The following CDA variants were observed in gnomAD, a reference collection of about 807,000 sequenced individuals.
The protein encoded by CDA is cytidine deaminase, also known as cytidine aminohydrolase.
CDA carries 7 observed loss-of-function variants against 15.0 expected under a neutral mutation model. That is an observed-to-expected ratio of 0.47 (90% CI 0.26 to 0.87). The LOEUF (loss-of-function observed/expected upper bound fraction) is 0.87. Ranked by LOEUF, CDA falls within the 40% of genes least tolerant of loss-of-function variation. The pLI is 0.15. For synonymous variants in CDA, 58 were observed against 73.0 expected (o/e 0.79, Z 1.05); for missense variants, 159 against 182.7 (o/e 0.87, Z 0.75).
intron 1 of CDA, among the ~76,000 whole-genome samples, chr1:20,592,521 A>G (rs1298836920): frequency 1.3e-5 from 2 of 152,208 alleles, no homozygotes; most frequent in African/African-American, 2.4e-5. Flanking sequence ...GTTATTAAGA[A>G]GAAGAGTAAC....
intron 1 of CDA, among the ~76,000 whole-genome samples, chr1:20,601,698 A>C (rs956400842): frequency 3.9e-5 from 6 of 152,224 alleles, no homozygotes; most frequent in Admixed American, 1.3e-4. Flanking sequence ...ATCACTCCTA[A>C]CATGCCAATG....
rs150616210 is a variant in CDA, at chr1:20,618,495, C to T, written c.368C>T (p.Thr123Met). ...WPVYMTKPDG[T>M]YIVMTVQELL... ...GTGTACATGACCAAGCCGGATGGTA[C>T]GTATATTGTCATGACGGTCCAGGAG... The change falls in exon 4 of 4, where the codon ACG becomes ATG. Residue 123 changes from threonine to methionine, a missense_variant. Physicochemically the swap from Thr to Met is moderately conservative, Grantham distance 81. Coordinates refer to ENST00000375071, the MANE Select transcript of CDA (RefSeq NM_001785.3). The T allele has an allele frequency of 2.0e-5, 33 of 1,613,416 alleles. No individual in the cohort carries two copies. The highest frequency in any genetic ancestry group is 1.3e-4 in the African/African-American group (10 of 74,800).
intron 2 of CDA, among the ~76,000 whole-genome samples, chr1:20,612,287 G>A (rs1250939268): frequency 6.6e-6 from 1 of 152,088 alleles, no homozygotes; most frequent in Admixed American, 6.5e-5. Context: ...CTGACATCTT[G>A]ATGTCAGGCC....
intron 1 of CDA, among the ~76,000 whole-genome samples, chr1:20,591,839 G>T (rs925388586): frequency 2.4e-5 from 3 of 127,582 alleles, no homozygotes; most frequent in Admixed American, 7.5e-5. Flanking sequence ...TTATTTATGG[G>T]TTTTTTTTTG....
chr1:20,598,583 A>C (rs1234362957), intron 1 of CDA, among the ~76,000 whole-genome samples: 2 of 152,258 alleles, frequency 1.3e-5, no homozygotes, highest in Non-Finnish European at 2.9e-5. Context: ...GAGGCTGGGA[A>C]GTCCAAGATT....
chr1:20,611,179 G>T (rs2052747708), intron 2 of CDA, among the ~76,000 whole-genome samples: 1 of 152,218 alleles, frequency 6.6e-6, no homozygotes, highest in South Asian at 2.1e-4. Flanking sequence ...GGCAGAGGCT[G>T]CAGTGAGCCA....
chr1:20,618,890 C>G lies in CDA; in HGVS notation c.*322C>G. ...GCAACTTTTCTAATTATAAACATCACAGAACATCCTGGATCAAAGCGTGTG... is the reference window on the plus strand; with the variant it reads ...GCAACTTTTCTAATTATAAACATCAGAGAACATCCTGGATCAAAGCGTGTG... On this transcript the variant is annotated 3_prime_UTR_variant, in exon 4 of 4. Transcript: ENST00000375071. The G allele has an allele frequency of 5.5e-6, 2 of 365,346 alleles. No homozygotes were observed. The allele number at this position is 365,346 out of a possible 1,614,324, so 22.6% of individuals were successfully genotyped here.
intron 1 of CDA, among the ~76,000 whole-genome samples, chr1:20,594,640 T>G (rs902857981): frequency 1.3e-5 from 2 of 151,192 alleles, no homozygotes; most frequent in Non-Finnish European, 2.9e-5. Context: ...ATACAAAAAA[T>G]TAGCCAGGTA....
intron 2 of CDA, among the ~76,000 whole-genome samples, chr1:20,609,352 G>T (rs2052724736): frequency 1.3e-5 from 2 of 152,304 alleles, no homozygotes; most frequent in Non-Finnish European, 2.9e-5. Context: ...CAGGCGTGGT[G>T]GCGGGCACCT....
rs1250773837 is a variant in CDA at position 20,618,755 on chromosome 1, C to T, written c.*187C>T. ...CAACCTGCCTTGGGACTTAGAACAC[C>T]GCCGCCCCCTGCCCCACCTTTCCTT... On this transcript the variant is annotated 3_prime_UTR_variant, in exon 4 of 4. Transcript: ENST00000375071. The T allele has an allele frequency of 3.1e-5, 18 of 589,980 alleles. No individual in the cohort carries two copies. The highest frequency in any genetic ancestry group is 1.4e-4 in the South Asian group (8 of 55,824). The allele number at this position is 589,980 out of a possible 1,614,324, so 36.5% of individuals were successfully genotyped here. A position where few individuals can be genotyped will look rare whatever the true frequency, so the allele number is the denominator to read the frequency against.
chr1:20,618,778 C>G lies in CDA; in HGVS notation c.*210C>G. ...ACCGCCGCCCCCTGCCCCACCTTTCCTTTCCTTCCTGTGGGCCCTCTTTCA... is the reference window on the plus strand; with the variant it reads ...ACCGCCGCCCCCTGCCCCACCTTTCGTTTCCTTCCTGTGGGCCCTCTTTCA... On this transcript the variant is annotated 3_prime_UTR_variant, in exon 4 of 4. Coordinates refer to ENST00000375071, the MANE Select transcript of CDA (RefSeq NM_001785.3). The G allele has an allele frequency of 1.8e-6, 1 of 561,234 alleles. No homozygotes were observed. 34.8% of individuals were successfully genotyped at this position (561,234 alleles called of 1,614,324 possible). A position where few individuals can be genotyped will look rare whatever the true frequency, so the allele number is the denominator to read the frequency against.
chr1:20,603,817 C>T (rs922077576), intron 1 of CDA, among the ~76,000 whole-genome samples: 1 of 152,172 alleles, frequency 6.6e-6, no homozygotes, highest in Admixed American at 6.5e-5. Context: ...GACTCACTTC[C>T]CTGAATATGG....
intron 1 of CDA, among the ~76,000 whole-genome samples, chr1:20,593,652 G>A (rs143963125): frequency 6.6e-6 from 1 of 152,322 alleles, no homozygotes; most frequent in Non-Finnish European, 1.5e-5. Context: ...CTAGTTCACT[G>A]CAGTCTCAAA....
chr1:20,607,321 GAGA>G (rs1557549466), intron 2 of CDA, among the ~76,000 whole-genome samples: 1 of 152,144 alleles, frequency 6.6e-6, no homozygotes, highest in Non-Finnish European at 1.5e-5. Context: ...TGCACTCAAG[GAGA>G]AGGGCTCCAG....
chr1:20,610,326 G>C (rs558284575), intron 2 of CDA, among the ~76,000 whole-genome samples: 107 of 140,462 alleles, frequency 7.6e-4, no homozygotes, highest in African/African-American at 2.6e-3. Flanking sequence ...TTTTGAGATG[G>C]AGTCTTGCTC....
chr1:20,589,128 A>G lies in CDA; in HGVS notation c.-2A>G. 1 of 1,614,070 alleles carries G rather than the reference A, an allele frequency of 6.2e-7. No individual in the cohort carries two copies. Among genetic ancestry groups the G allele is most frequent in the Non-Finnish European group, 8.5e-7 (1 of 1,180,014 alleles). ...GCTCTGCTGCCTGCCCGGGGTACCAACATGGCCCAGAAGCGTCCTGCCTGC... is the reference window on the plus strand; with the variant it reads ...GCTCTGCTGCCTGCCCGGGGTACCAGCATGGCCCAGAAGCGTCCTGCCTGC... On this transcript the variant is annotated 5_prime_UTR_variant, in exon 1 of 4. Coordinates refer to ENST00000375071, the MANE Select transcript of CDA (RefSeq NM_001785.3).
chr1:20,615,733 G>C (rs2052795791), intron 3 of CDA, among the ~76,000 whole-genome samples: 1 of 152,048 alleles, frequency 6.6e-6, no homozygotes, highest in East Asian at 1.9e-4. Context: ...GGGCATGATG[G>C]CTTACACCTG....
chr1:20,611,145 TAGG>T (rs1361735064), intron 2 of CDA, among the ~76,000 whole-genome samples: 2 of 152,040 alleles, frequency 1.3e-5, no homozygotes, highest in Non-Finnish European at 2.9e-5. Flanking sequence ...GAGGCTGAGG[TAGG>T]AGGAGCCTTT....
intron 1 of CDA, among the ~76,000 whole-genome samples, chr1:20,598,203 G>A (rs185038316): frequency 6.6e-6 from 1 of 152,290 alleles, no homozygotes; most frequent in African/African-American, 2.4e-5. Context: ...CTAATAAGAG[G>A]TGTTTAGGTC....
Sources: allele counts gnomAD v4.1 joint callset (sites outside exome capture counted in the v4.1 genomes callset), GRCh38; gene constraint gnomAD v4.1.1; transcripts MANE v1.5; gene names NCBI Gene and HGNC (gene_info 2026-07-23, HGNC 2026-07-21).